Variants in PDE4A observed in about 807,000 individuals in gnomAD.
PDE4A encodes the protein phosphodiesterase 4A.
In PDE4A, 21 loss-of-function variants were observed where a neutral mutation model predicts 73.9. That is an observed-to-expected ratio of 0.28 (90% CI 0.20 to 0.41). The LOEUF (loss-of-function observed/expected upper bound fraction) is 0.41, where lower values mean the gene tolerates loss of function less well. Ranked by LOEUF, PDE4A falls within the 10% of genes least tolerant of loss-of-function variation. The pLI, the probability that PDE4A is intolerant of heterozygous loss-of-function variation, is 1.00. For synonymous variants in PDE4A, 463 were observed against 505.4 expected, an observed-to-expected ratio of 0.92 and a Z score of 1.13; for missense variants, 958 against 1,211.4, an observed-to-expected ratio of 0.79 and a Z score of 3.10.
At chr19:10,457,737 GA>G (rs1449264099) in intron 7 of PDE4A, 141 bp from the exon 8 acceptor site, 2 of 1,441,538 alleles carry the variant, frequency 1.4e-6, no homozygotes, top group Non-Finnish European at 1.8e-6. Flanking sequence ...TCCTGACTCT[GA>G]GTAGCCAGCG....
intron 1 of PDE4A, among the ~76,000 whole-genome samples, chr19:10,425,214 C>G (rs1274820540): frequency 1.4e-5 from 2 of 145,016 alleles, no homozygotes; most frequent in African/African-American, 5.0e-5. Context: ...CAGAGCGAGA[C>G]CCTGTCTCAA....
In PDE4A at chr19:10,461,648, C is replaced by A. The variant is rs146986676; in HGVS notation, c.1588C>A (p.Arg530=). The A allele has an allele frequency of 7.3e-7, 1 of 1,377,292 alleles. No individual in the cohort carries two copies. Among genetic ancestry groups the A allele is most frequent in the African/African-American group, 1.6e-5 (1 of 64,508 alleles). 85.3% of individuals were successfully genotyped at this position (1,377,292 alleles called of 1,614,324 possible). ...CTTCCAGAACCTCAGCAAGCGCCAG[C>A]GGCAGAGCCTACGCAAGATGGTCAT... The part of the protein sequence containing the change: ...DIFQNLSKRQ[R]QSLRKMVIDM... Residue 530 remains arginine, a synonymous_variant, in exon 12 of 15, where the codon CGG becomes AGG. Transcript: ENST00000380702.
chr19:10,466,128 C>T (rs950523720), intron 14 of PDE4A, among the ~76,000 whole-genome samples: 2 of 150,554 alleles, frequency 1.3e-5, no homozygotes, highest in East Asian at 2.0e-4. Flanking sequence ...CTCAGCCTCC[C>T]GAGTAGCTGG....
chr19:10,422,993 A>T, intron 1 of PDE4A: 1 of 457,014 alleles, frequency 2.2e-6, no homozygotes, highest in Non-Finnish European at 2.9e-6. Flanking sequence ...GAGTGGTAAT[A>T]ATCATCATTA....
At chr19:10,464,037 G>C in intron 14 of PDE4A, 62 bp downstream of exon 14, 2 of 1,596,806 alleles carry the variant, frequency 1.3e-6, no homozygotes, top group Non-Finnish European at 8.6e-7. Context: ...ATCTTGGCCT[G>C]AAGTTCTGAG....
chr19:10,430,863 C>T (rs1047335180), intron 1 of PDE4A: 12 of 1,414,924 alleles, frequency 8.5e-6, no homozygotes, highest in Non-Finnish European at 1.0e-5. Flanking sequence ...GCCGCGCGGC[C>T]TAGGCCGCAT....
At chr19:10,437,157 A>C (rs552221798) in intron 1 of PDE4A, among the ~76,000 whole-genome samples, 18 of 152,018 alleles carry the variant, frequency 1.2e-4, no homozygotes, top group Non-Finnish European at 1.5e-4. Context: ...GTTTTTTGAG[A>C]CTATCCCCTA....
At position 10,453,203 on chromosome 19, in the gene PDE4A, C is replaced by T. The variant is rs557774510; in HGVS notation, c.784-1626C>T. 2.6e-6 allele frequency: 4 copies of T among 1,548,352 alleles called. No individual in the cohort carries two copies. The Admixed American group carries it at 5.8e-5, about 22-fold the overall frequency. On this transcript the variant is annotated intron_variant, in intron 6 of 14. Transcript: ENST00000380702. This position sits in a 1 kb window ranked among gnomAD's most constrained non-coding sequence, Gnocchi z 4.6. ...CACCCCCTCCCCAGTGGTTGTTAAC[C>T]CCGGGACTCCCCAAGCCCAGCCTCT...
At position 10,467,595 on chromosome 19, in the gene PDE4A, G is replaced by A. The variant is rs200139989; in HGVS notation, c.2635G>A (p.Gly879Arg). The A allele has an allele frequency of 1.5e-4, 235 of 1,581,956 alleles. No homozygotes were observed. The highest frequency in any genetic ancestry group is 1.8e-4 in the Non-Finnish European group (212 of 1,161,802). Residue 879 changes from glycine to arginine, a missense_variant, in exon 15 of 15, where the codon GGG becomes AGG. Around this residue, in one of 3 missense-constraint regions of PDE4A, gnomAD observed 243 missense variants for 245.9 expected, o/e 0.99. Transcript: ENST00000380702. ...ATCCGCACTCCCAGCTCCTGGTGGC[G>A]GGGGGTCAGGTGGAGACCCTACCTG... ...DTSALPAPGG[G>R]GSGGDPT is the part of the protein sequence containing the mutation.
intron 2 of PDE4A, among the ~76,000 whole-genome samples, chr19:10,447,217 C>CT (rs34169084): frequency 0.016 from 974 of 59,228 alleles, 36 homozygotes; most frequent in African/African-American, 0.029. Context: ...CTTTTTTTCT[C>CT]TTTTTTTTTT....
intron 1 of PDE4A, among the ~76,000 whole-genome samples, chr19:10,433,634 T>C (rs923367): frequency 0.17 from 26,529 of 152,056 alleles, 2,771 homozygotes; most frequent in African/African-American, 0.28. Context: ...TGTCTATGTG[T>C]GATGCCCGGG....
upstream of PDE4A, chr19:10,416,876 T>G (rs2042592696): frequency 6.5e-7 from 1 of 1,533,986 alleles, no homozygotes; most frequent in South Asian, 1.2e-5. Context: ...TTTGGCTTGG[T>G]CTTGTAGGAG....
chr19:10,445,073 C>T (rs2042986149), intron 1 of PDE4A, among the ~76,000 whole-genome samples: 1 of 152,122 alleles, frequency 6.6e-6, no homozygotes, highest in African/African-American at 2.4e-5. Context: ...CTGTGAGCTG[C>T]AGTGAGGACT....
At chr19:10,461,129 G>T (rs757483413) in intron 11 of PDE4A, 26 bp downstream of exon 11, 3 of 1,601,468 alleles carry the variant, frequency 1.9e-6, no homozygotes, top group African/African-American at 2.7e-5. Flanking sequence ...CAGGGGCGGG[G>T]TTTGCTGAGT....
chr19:10,456,054 C>T (rs995774458), intron 7 of PDE4A, among the ~76,000 whole-genome samples: 15 of 150,264 alleles, frequency 1.0e-4, no homozygotes, highest in African/African-American at 3.7e-4. Flanking sequence ...AGTAGACTCC[C>T]AAAATGTTAG....
At chr19:10,432,697 C>G (rs1370342065) in intron 1 of PDE4A, 3 of 872,374 alleles carry the variant, frequency 3.4e-6, no homozygotes, top group Non-Finnish European at 5.0e-6. Flanking sequence ...CTGGCTGGGG[C>G]CCCACCCCCT....
chr19:10,437,811 T>G (rs545897051), intron 1 of PDE4A, among the ~76,000 whole-genome samples: 1 of 150,374 alleles, frequency 6.7e-6, no homozygotes, highest in East Asian at 2.0e-4. Context: ...AGGACTGTTT[T>G]TTTTTTTTTT....
intron 14 of PDE4A, among the ~76,000 whole-genome samples, chr19:10,466,071 C>T (rs568118992): frequency 2.2e-4 from 33 of 148,134 alleles, no homozygotes; most frequent in African/African-American, 5.7e-4. Context: ...GGCACAATCT[C>T]GGCTCACTGC....
At chr19:10,445,770 CAAA>C (rs368282378) in intron 1 of PDE4A, among the ~76,000 whole-genome samples, 2 of 110,626 alleles carry the variant, frequency 1.8e-5, no homozygotes, top group Non-Finnish European at 1.9e-5. Flanking sequence ...GACCATACCT[CAAA>C]AAAAAAAAAA....
Sources: allele counts gnomAD v4.1 joint callset (sites outside exome capture counted in the v4.1 genomes callset), GRCh38; gene constraint gnomAD v4.1.1; regional missense constraint gnomAD v4.1.1; non-coding constraint Gnocchi (gnomAD v3.1); transcripts MANE v1.5; gene names NCBI Gene and HGNC (gene_info 2026-07-23, HGNC 2026-07-21).